Variants in HHATL observed in about 807,000 individuals in gnomAD.
HHATL encodes protein-cysteine N-palmitoyltransferase HHAT-like protein.
In HHATL, 49 loss-of-function variants were observed where a neutral mutation model predicts 59.7. The ratio of observed to expected loss-of-function variants is 0.82; its 90% CI spans 0.65 to 1.04. The LOEUF is 1.04. Among genes scored for constraint, HHATL ranks in the 50% least tolerant of loss-of-function variants. The pLI is 0.00. For missense variants in HHATL, 605 were observed against 650.8 expected (o/e 0.93, Z 0.77); for synonymous variants, 238 against 257.3 (o/e 0.93, Z 0.72).
Position 42,698,360 on chromosome 3 carries a change from G to T in HHATL, c.484-9C>A. ...CCTGTTACAAACCCGCTCTGGAGGG[G>T]GAAAGAACAGGCCACCAGCTCACTA... On this transcript the variant is annotated splice_polypyrimidine_tract_variant and intron_variant, in intron 5 of 11. Transcript: ENST00000441594. The T allele has an allele frequency of 1.2e-6, 2 of 1,607,150 alleles. No homozygotes were observed. Among genetic ancestry groups the T allele is most frequent in the Non-Finnish European group, 1.7e-6 (2 of 1,175,670 alleles).
At chr3:42,697,442 G>A (rs897177703) in intron 7 of HHATL, 66 bp downstream of exon 7, 2 of 1,527,004 alleles carry the variant, frequency 1.3e-6, no homozygotes, top group East Asian at 2.3e-5. Context: ...GTGGCACCGT[G>A]GGGGTGCAGA....
intron 1 of HHATL, 147 bp from the exon 2 acceptor site, chr3:42,700,986 C>T (rs567747971): frequency 1.6e-6 from 1 of 610,016 alleles, no homozygotes; most frequent in Non-Finnish European, 3.0e-6. Flanking sequence ...TCTGCCTGCC[C>T]CTGTGCCCCC....
At chr3:42,696,949 G>A in intron 8 of HHATL, 52 bp downstream of exon 8, 1 of 1,613,884 alleles carries the variant, frequency 6.2e-7, no homozygotes, top group South Asian at 1.1e-5. Flanking sequence ...AAGAGGCTAG[G>A]GGAAGGTGTG....
intron 5 of HHATL, 139 bp downstream of exon 5, chr3:42,698,569 G>A (rs1398926916): frequency 1.8e-6 from 2 of 1,104,558 alleles, no homozygotes; most frequent in African/African-American, 3.1e-5. Flanking sequence ...TCACCTTGTG[G>A]CCAGGACATA....
chr3:42,693,333 T>A, intron 10 of HHATL, 115 bp from the exon 11 acceptor site: 4 of 1,339,678 alleles, frequency 3.0e-6, no homozygotes, highest in Non-Finnish European at 4.1e-6. Flanking sequence ...TGTCTGGGTC[T>A]CGGAGAGCCC....
At position 42,697,687 on chromosome 3, in the gene HHATL, G is replaced by A. The variant is rs369939352; in HGVS notation, c.694-8C>T. On this transcript the variant is annotated splice_region_variant and splice_polypyrimidine_tract_variant and intron_variant, in intron 6 of 11. Transcript: ENST00000441594. The stretch of plus-strand genomic sequence containing the variant: ...TGGCTCCACCTGGCTCACCTGGGGG[G>A]ATGCGAAGGGTCTGAGGGAAGAGGC... 395 of 1,611,664 alleles carry A rather than the reference G, an allele frequency of 2.5e-4. No homozygotes were observed. The highest frequency in any genetic ancestry group is 3.2e-4 in the Non-Finnish European group (375 of 1,178,340).
chr3:42,699,617 A>G (rs1232476635), intron 3 of HHATL, 141 bp downstream of exon 3: 1 of 682,078 alleles, frequency 1.5e-6, no homozygotes, highest in African/African-American at 1.8e-5. Context: ...AGGAGGGGCC[A>G]GTAAAGAAGC....
chr3:42,700,844 G>A lies in HHATL; in HGVS notation c.-13-5C>T, dbSNP rs1338763098. On this transcript the variant is annotated splice_region_variant and splice_polypyrimidine_tract_variant and intron_variant, in intron 1 of 11. Coordinates refer to ENST00000441594, the MANE Select transcript of HHATL (RefSeq NM_020707.4). ...ATGCCCATAGCCTGGACAGGGCTGG[G>A]GAGACAGGTTGGGTGAGGGAATTAC... is the stretch of plus-strand genomic sequence containing the variant. The A allele has an allele frequency of 1.3e-6, 2 of 1,596,894 alleles. No homozygotes were observed. Among genetic ancestry groups the A allele is most frequent in the African/African-American group, 2.7e-5 (2 of 74,508 alleles).
intron 3 of HHATL, among the ~76,000 whole-genome samples, 154 bp downstream of exon 3, chr3:42,699,604 T>C (rs1047413620): frequency 3.3e-5 from 5 of 152,176 alleles, no homozygotes; most frequent in Non-Finnish European, 5.9e-5. Flanking sequence ...CCCAGGAGGA[T>C]ACAGGAGGGG....
rs375430754 is a variant in HHATL at position 42,698,950 on chromosome 3, G to A, written c.289-48C>T. On this transcript the variant is annotated intron_variant, in intron 4 of 11. Coordinates refer to ENST00000441594, the MANE Select transcript of HHATL (RefSeq NM_020707.4). ...AGTTTCGCCATATAAATGGGGGCGT[G>A]ACCCCAGGAGGGGGTTCCCACAACC... 802 of 1,607,448 alleles carry A rather than the reference G, an allele frequency of 5.0e-4. 3 individuals carry two copies. The highest frequency in any genetic ancestry group is 5.9e-4 in the Non-Finnish European group (696 of 1,175,336).
Position 42,698,144 on chromosome 3 carries a change from G to A in HHATL, c.691C>T (p.Gln231Ter). 1.9e-6 allele frequency: 3 copies of A among 1,613,984 alleles called. No individual in the cohort carries two copies. The highest frequency in any genetic ancestry group is 1.7e-6 in the Non-Finnish European group (2 of 1,179,864). The change falls in exon 6 of 12, where the codon CAG (glutamine) becomes TAG (stop). Residue 231 changes from glutamine to a stop codon, truncating the protein, a stop_gained and splice_region_variant. Transcript: ENST00000441594. LOFTEE classifies it high-confidence loss of function. ...PIMTFDRFHA[Q>*]VSQVEPVRRE... is the part of the protein sequence containing the mutation. ...AAGCCCACAGGGTGTCCCCTCACCT[G>A]AGCATGGAAGCGATCAAAGGTCATG... is the stretch of plus-strand genomic sequence containing the variant.
intron 2 of HHATL, 101 bp downstream of exon 2, chr3:42,700,620 C>T: frequency 2.8e-6 from 2 of 703,042 alleles, no homozygotes; most frequent in Non-Finnish European, 4.9e-6. Flanking sequence ...AAGGAGTACC[C>T]TAGGTCTGGA....
chr3:42,696,241 T>C (rs1268952792), intron 9 of HHATL, among the ~76,000 whole-genome samples: 2 of 152,114 alleles, frequency 1.3e-5, no homozygotes, highest in Non-Finnish European at 2.9e-5. Flanking sequence ...CTCTTTCCAG[T>C]CCTTTCTGCT....
rs754844693 is a variant in HHATL, at chr3:42,698,336, C to G, written c.499G>C (p.Gly167Arg). ...AGCACCTCTTGAAGATCAAAAGTGCCTGTTACAAACCCGCTCTGGAGGGGG... is the reference window on the plus strand; with the variant it reads ...AGCACCTCTTGAAGATCAAAAGTGCGTGTTACAAACCCGCTCTGGAGGGGG... Reference protein sequence around the residue: ...LISWQSGFVTGTFDLQEVLFH... With the variant: ...LISWQSGFVTRTFDLQEVLFH... Residue 167 changes from glycine (G) to arginine (R), a missense_variant, in exon 6 of 12, where the codon GGC (glycine) becomes CGC (arginine). Transcript: ENST00000441594. The G allele has an allele frequency of 1.7e-5, 27 of 1,612,092 alleles. No homozygotes were observed. The highest frequency in any genetic ancestry group is 1.9e-4 in the Middle Eastern group (1 of 5,400).
In HHATL at chr3:42,699,133, A is replaced by C; in HGVS notation, c.187T>G (p.Phe63Val). The change falls in exon 4 of 12, where the codon TTC (phenylalanine) becomes GTC (valine). Residue 63 changes from phenylalanine (F) to valine (V), a missense_variant. Coordinates refer to ENST00000441594, the MANE Select transcript of HHATL (RefSeq NM_020707.4). ...GAGGTGAACCACATCACCCACTCGA[A>C]GTCAGCCACATCCTGGGGCAGTCCG... ...YIGRKMDVAD[F>V]EWVMWFTSFR... is the part of the protein sequence containing the mutation. 1.2e-6 allele frequency: 2 copies of C among 1,613,950 alleles called. No individual in the cohort carries two copies.
At position 42,701,009 on chromosome 3, in the gene HHATL, G is replaced by A. The variant is rs1697955779; in HGVS notation, c.-13-170C>T. ...CCCCTGTGCCCCCCACAGTTCACAG[G>A]CCACCGAACACCAGTGCCCCATCCC... On this transcript the variant is annotated intron_variant, in intron 1 of 11. Coordinates refer to ENST00000441594, the MANE Select transcript of HHATL (RefSeq NM_020707.4). This position sits in a 1 kb window ranked among gnomAD's most constrained non-coding sequence, Gnocchi z 5.1. The A allele has an allele frequency of 6.9e-6, 4 of 583,836 alleles. No individual in the cohort carries two copies. Among genetic ancestry groups the A allele is most frequent in the Non-Finnish European group, 9.3e-6 (3 of 322,478 alleles). 36.2% of individuals were successfully genotyped at this position (583,836 alleles called of 1,614,324 possible).
At chr3:42,700,899 T>A (rs1482989648) in intron 1 of HHATL, 60 bp from the exon 2 acceptor site, 5 of 1,171,818 alleles carry the variant, frequency 4.3e-6, no homozygotes, top group Non-Finnish European at 6.3e-6. Flanking sequence ...CCCCACCTCA[T>A]GGTCCCACCA....
At chr3:42,694,718 T>C (rs559493681) in intron 9 of HHATL, among the ~76,000 whole-genome samples, 6 of 152,194 alleles carry the variant, frequency 3.9e-5, no homozygotes, top group Non-Finnish European at 5.9e-5. Context: ...CCTTTGCCCT[T>C]GTTGTTCCCT....
chr3:42,698,020 T>C, intron 6 of HHATL, 122 bp downstream of exon 6: 1 of 1,066,426 alleles, frequency 9.4e-7, no homozygotes. Context: ...CACGGCTTCA[T>C]CCTGGAATCA....
Sources: gnomAD v4.1 joint callset for allele counts (sites outside exome capture counted in the v4.1 genomes callset) on GRCh38, gnomAD v4.1.1 for gene constraint, Gnocchi (gnomAD v3.1) non-coding constraint, MANE v1.5 for transcripts, NCBI Gene and HGNC (gene_info 2026-07-23, HGNC 2026-07-21) for gene names.